SEMA6D: variants seen among roughly 807,000 people sequenced by gnomAD.
SEMA6D encodes the protein semaphorin 6D.
Under a neutral mutation model 106.6 loss-of-function variants are expected in SEMA6D, and 35 were observed. That is an observed-to-expected ratio of 0.33 (90% CI 0.25 to 0.44). The LOEUF is 0.44. Among genes scored for constraint, SEMA6D ranks in the 20% least tolerant of loss-of-function variants. The pLI, the probability that SEMA6D is intolerant of heterozygous loss-of-function variation, is 1.00. For missense variants in SEMA6D, 1,185 were observed against 1,345.9 expected (o/e 0.88, Z 1.87); for synonymous variants, 499 against 487.7 (o/e 1.02, Z -0.31).
intron 3 of SEMA6D, among the ~76,000 whole-genome samples, chr15:47,479,574 A>G (rs969339061): frequency 8.5e-5 from 13 of 152,176 alleles, no homozygotes; most frequent in Admixed American, 7.2e-4. Context: ...GGTGGAGGCA[A>G]TCCCATTTGT....
In SEMA6D at chr15:47,764,171, C is replaced by A. The variant is rs200646071; in HGVS notation, c.966-3C>A. ...TCTTCCTGATGATTTTCTTCCTTTT[C>A]AGCATCCCTGGTTCTGCTGTCTGTG... On this transcript the variant is annotated splice_region_variant and splice_polypyrimidine_tract_variant and intron_variant, in intron 10 of 18. Transcript: ENST00000536845. 6.2e-7 allele frequency: 1 copy of A among 1,613,184 alleles called. No individual in the cohort carries two copies. The highest frequency in any genetic ancestry group is 8.5e-7 in the Non-Finnish European group (1 of 1,179,526).
chr15:47,269,455 A>G (rs1340641318), intron 1 of SEMA6D, among the ~76,000 whole-genome samples: 3 of 152,136 alleles, frequency 2.0e-5, no homozygotes, highest in Admixed American at 6.6e-5. Flanking sequence ...AGCAAATTTT[A>G]TTACACATAA....
At chr15:47,349,079 A>C (rs1291312563) in intron 1 of SEMA6D, among the ~76,000 whole-genome samples, 2 of 149,114 alleles carry the variant, frequency 1.3e-5, no homozygotes, top group African/African-American at 2.5e-5. Context: ...CATTCTCCCC[A>C]CCTCTTCCAG....
At chr15:47,559,236 AG>A (rs1354915991) in intron 3 of SEMA6D, among the ~76,000 whole-genome samples, 3 of 152,132 alleles carry the variant, frequency 2.0e-5, no homozygotes, top group African/African-American at 7.2e-5. Context: ...TTTCTCTTCA[AG>A]CATGACGGAA....
intron 1 of SEMA6D, among the ~76,000 whole-genome samples, chr15:47,187,454 A>G (rs1893660291): frequency 6.6e-6 from 1 of 152,142 alleles, no homozygotes; most frequent in Non-Finnish European, 1.5e-5. Context: ...GTCTTTTTGC[A>G]AGTGCTTTAA....
intron 3 of SEMA6D, among the ~76,000 whole-genome samples, chr15:47,552,525 TACAC>T (rs144968308): frequency 0.46 from 59,995 of 129,928 alleles, 14,751 homozygotes; most frequent in Non-Finnish European, 0.57. Flanking sequence ...TATATATGTA[TACAC>T]ACACACACAC....
intron 1 of SEMA6D, among the ~76,000 whole-genome samples, chr15:47,216,053 T>G (rs2030562688): frequency 6.6e-6 from 1 of 152,196 alleles, no homozygotes; most frequent in Non-Finnish European, 1.5e-5. Context: ...CGGTCTAAAT[T>G]AGTCCTGATA....
At chr15:47,634,388 G>C (rs573685401) in intron 4 of SEMA6D, among the ~76,000 whole-genome samples, 1 of 152,252 alleles carries the variant, frequency 6.6e-6, no homozygotes, top group East Asian at 1.9e-4. Flanking sequence ...TGCCACCTGG[G>C]AGAAGGAGGA....
chr15:47,619,403 G>T (rs779910954), intron 4 of SEMA6D, among the ~76,000 whole-genome samples: 1 of 152,192 alleles, frequency 6.6e-6, no homozygotes, highest in African/African-American at 2.4e-5. Flanking sequence ...ATGACAAGTC[G>T]CACTTGGCCA....
chr15:47,571,286 G>C (rs563014879), intron 3 of SEMA6D, among the ~76,000 whole-genome samples: 43 of 152,298 alleles, frequency 2.8e-4, no homozygotes, highest in Non-Finnish European at 5.7e-4. Context: ...AAATTCTGGA[G>C]CCCAATTTGG....
chr15:47,314,191 T>G (rs1219552204), intron 1 of SEMA6D, among the ~76,000 whole-genome samples: 1 of 152,194 alleles, frequency 6.6e-6, no homozygotes, highest in East Asian at 1.9e-4. Context: ...ACATATGATG[T>G]GGAACTTCTT....
intron 4 of SEMA6D, among the ~76,000 whole-genome samples, chr15:47,609,730 A>C (rs143687281): frequency 6.6e-6 from 1 of 152,294 alleles, no homozygotes; most frequent in African/African-American, 2.4e-5. Context: ...CTCATGCAGG[A>C]AGTCCATAAC....
At chr15:47,494,360 G>A (rs2043568897) in intron 3 of SEMA6D, among the ~76,000 whole-genome samples, 1 of 152,004 alleles carries the variant, frequency 6.6e-6, no homozygotes, top group South Asian at 2.1e-4. Context: ...AAGTGAAAAT[G>A]TGTGTTATAC....
rs551455530 is a variant in SEMA6D, at chr15:47,660,521, G to A, written c.-55+59625G>A. 7.2e-5 allele frequency among the ~76,000 whole-genome samples: 11 copies of A among 152,242 alleles called. No individual in the cohort carries two copies. The East Asian group carries it at 2.1e-3, about 29-fold the overall frequency. On this transcript the variant is annotated intron_variant, in intron 4 of 19. Transcript: ENST00000558014. ...CACGTAGACCCAGGCGGATGCAAAG[G>A]CTTGTATGGGATCTATTTGCCTATT...
intron 1 of SEMA6D, among the ~76,000 whole-genome samples, chr15:47,322,520 C>A (rs948095266): frequency 2.0e-5 from 3 of 151,994 alleles, no homozygotes; most frequent in African/African-American, 7.3e-5. Context: ...GTGAGGGATA[C>A]CACAGAAGTA....
intron 1 of SEMA6D, among the ~76,000 whole-genome samples, chr15:47,292,682 G>A (rs1399510211): frequency 1.3e-5 from 2 of 152,148 alleles, no homozygotes; most frequent in East Asian, 1.9e-4. Flanking sequence ...AAGGGCAAAC[G>A]TTAGCCTTGC....
chr15:47,218,821 C>A (rs1039893718), intron 1 of SEMA6D, among the ~76,000 whole-genome samples: 2 of 152,176 alleles, frequency 1.3e-5, no homozygotes, highest in African/African-American at 2.4e-5. Flanking sequence ...TTCTTCTCTC[C>A]ATCTTGGAGA....
chr15:47,460,575 G>T (rs762723069), intron 2 of SEMA6D, among the ~76,000 whole-genome samples: 11 of 152,100 alleles, frequency 7.2e-5, no homozygotes, highest in African/African-American at 1.2e-4. Flanking sequence ...AAGAAAGACA[G>T]CTGGAAATCA....
At chr15:47,598,331 T>C (rs2076577874) in intron 3 of SEMA6D, among the ~76,000 whole-genome samples, 1 of 152,160 alleles carries the variant, frequency 6.6e-6, no homozygotes, top group Admixed American at 6.5e-5. Context: ...AAATGTTTCA[T>C]GAATTGGTGG....
Sources: gnomAD v4.1 joint callset for allele counts (sites outside exome capture counted in the v4.1 genomes callset) on GRCh38, gnomAD v4.1.1 for gene constraint, MANE v1.5 for transcripts, NCBI Gene and HGNC (gene_info 2026-07-23, HGNC 2026-07-21) for gene names.